Variants in TMEM243 observed in about 807,000 individuals in gnomAD.
TMEM243 encodes the protein MDR1 and mitochondrial taxol resistance associated.
A neutral mutation model predicts 15.0 loss-of-function variants in TMEM243; 20 were observed. The observed-to-expected ratio is 1.33, with a 90% CI of 0.94 to 1.93. TMEM243 has a LOEUF of 1.93. TMEM243 is among the 30% of genes most tolerant of loss of function. TMEM243 has a pLI of 0.00. For missense variants in TMEM243, 156 were observed against 142.1 expected, an observed-to-expected ratio of 1.10 and a Z score of -0.50; for synonymous variants, 72 against 52.7, an observed-to-expected ratio of 1.37 and a Z score of -1.59.
At chr7:87,214,059 T>C (rs74580703) in intron 1 of TMEM243, among the ~76,000 whole-genome samples, 5,695 of 152,296 alleles carry the variant, frequency 0.037, 128 homozygotes, top group East Asian at 0.065. Context: ...AGTGGGCTGA[T>C]TTAGAAACTC....
chr7:87,213,519 C>A (rs1368308639), intron 1 of TMEM243, among the ~76,000 whole-genome samples: 1 of 152,210 alleles, frequency 6.6e-6, no homozygotes, highest in African/African-American at 2.4e-5. Context: ...ATTGGTAGCT[C>A]TAAGACAGAG....
chr7:87,219,458 T>C lies in TMEM243; in HGVS notation c.46A>G (p.Asn16Asp). ...GACGTCTCCCCAAACAGAGGTCTGT[T>C]GTCCAGGCCACTGGTGCCGTAGGTC... ...TRTYGTSGLD[N>D]RPLFGETSAK... is the part of the protein sequence containing the mutation. The change falls in exon 1 of 4, where the codon AAC becomes GAC. Residue 16 changes from asparagine to aspartate, a missense_variant. Physicochemically the swap from Asn to Asp is conservative, Grantham distance 23. Transcript: ENST00000257637. 1 of 1,614,246 alleles carries C rather than the reference T, an allele frequency of 6.2e-7. No homozygotes were observed. The highest frequency in any genetic ancestry group is 8.5e-7 in the Non-Finnish European group (1 of 1,180,034).
At chr7:87,197,333 T>G (rs1801377497) in intron 3 of TMEM243, among the ~76,000 whole-genome samples, 1 of 152,082 alleles carries the variant, frequency 6.6e-6, no homozygotes, top group Non-Finnish European at 1.5e-5. Context: ...GTTTTTTCTT[T>G]TGATTCTGCC....
At chr7:87,208,249 G>A (rs968855823) in intron 1 of TMEM243, among the ~76,000 whole-genome samples, 6 of 152,212 alleles carry the variant, frequency 3.9e-5, no homozygotes, top group African/African-American at 1.4e-4. Flanking sequence ...CTATGAGTCT[G>A]TAAAATCAAA....
rs775586755 is a variant in TMEM243 at position 87,197,950 on chromosome 7, G to A, written c.225C>T (p.Ala75=). 1.9e-6 allele frequency: 3 copies of A among 1,612,878 alleles called. No homozygotes were observed. In the Admixed American group the frequency reaches 5.0e-5, roughly 27 times the overall value. Reference sequence around the variant, plus strand: ...TCTCAACAGTACTTACAAGTATGCAGGCAGTAATACTACTCAAAGAGATGC... The same window carrying A: ...TCTCAACAGTACTTACAAGTATGCAAGCAGTAATACTACTCAAAGAGATGC... The part of the protein sequence containing the change: ...AVCISLSSIT[A]CILIYWYRQG... The change falls in exon 3 of 4, where the codon GCC becomes GCT. Residue 75 remains alanine (A), a synonymous_variant. Transcript: ENST00000257637.
intron 1 of TMEM243, among the ~76,000 whole-genome samples, chr7:87,200,048 A>G (rs143276723): frequency 2.5e-4 from 38 of 152,324 alleles, no homozygotes; most frequent in East Asian, 1.3e-3. Context: ...CACAGGAACA[A>G]TCACAGAGCA....
rs1023709245 is a variant in TMEM243 at position 87,196,373 on chromosome 7, A to AT, written c.*262dup. 9.9e-5 allele frequency: 31 copies of AT among 311,894 alleles called. No individual in the cohort carries two copies. The highest frequency in any genetic ancestry group is 6.5e-4 in the African/African-American group (30 of 45,914). 19.3% of individuals were successfully genotyped at this position (311,894 alleles called of 1,614,324 possible). ...AGCCTTTTGCCATACAATTATAAAAATTTCATTTCAAAAGTGAAATTTTTT... is the reference window on the plus strand; with the variant it reads ...AGCCTTTTGCCATACAATTATAAAAATTTTCATTTCAAAAGTGAAATTTTTT... On this transcript the variant is annotated 3_prime_UTR_variant, in exon 4 of 4. Transcript: ENST00000257637.
At chr7:87,207,447 T>A (rs1252128770) in intron 1 of TMEM243, among the ~76,000 whole-genome samples, 17 of 39,900 alleles carry the variant, frequency 4.3e-4, no homozygotes, top group South Asian at 7.5e-4. Context: ...TACAAAAAAA[T>A]TAGCCGGGCG....
At chr7:87,200,710 T>C (rs770707671) in intron 1 of TMEM243, among the ~76,000 whole-genome samples, 1 of 152,196 alleles carries the variant, frequency 6.6e-6, no homozygotes, top group Non-Finnish European at 1.5e-5. Flanking sequence ...TATGACTGTT[T>C]CACAGGTAGC....
rs1220307359 is a variant in TMEM243, at chr7:87,204,131, A to C, written c.79-5074T>G. ...GAAAATGAGAGCCAAGCAAAAGGGG[A>C]AACCCCTTATAAAATCATCAGATCT... On this transcript the variant is annotated intron_variant, in intron 1 of 3. Transcript: ENST00000257637. Among the ~76,000 whole-genome samples the C allele has an allele frequency of 5.9e-5, 9 of 152,284 alleles. No individual in the cohort carries two copies. The South Asian group carries it at 6.2e-4, about 11-fold the overall frequency.
chr7:87,209,696 G>A lies in TMEM243; in HGVS notation c.78+9730C>T, dbSNP rs1302184410. On this transcript the variant is annotated intron_variant, in intron 1 of 3. Transcript: ENST00000257637. ...CGAGAGCGAGACACAGCGAGAGAGC[G>A]AGACACAGTGAGAGCGAGACACAGT... 9.3e-3 allele frequency among the ~76,000 whole-genome samples: 1,321 copies of A among 142,340 alleles called. 44 individuals carry two copies. Among genetic ancestry groups the A allele is most frequent in the East Asian group, 0.018 (84 of 4,554 alleles). 93.4% of individuals were successfully genotyped at this position (142,340 alleles called of 152,430 possible). A position where few individuals can be genotyped will look rare whatever the true frequency, so the allele number is the denominator to read the frequency against.
At chr7:87,218,923 T>G (rs752893407) in intron 1 of TMEM243, among the ~76,000 whole-genome samples, 1 of 152,196 alleles carries the variant, frequency 6.6e-6, no homozygotes, top group Non-Finnish European at 1.5e-5. Flanking sequence ...GATCACTTCC[T>G]GGAATGGAGG....
chr7:87,197,788 G>C, intron 3 of TMEM243, 153 bp downstream of exon 3: 1 of 1,469,432 alleles, frequency 6.8e-7, no homozygotes, highest in Non-Finnish European at 9.0e-7. Context: ...AGAAGACTCA[G>C]ATTTTATTGA....
chr7:87,204,598 G>T (rs901410284), intron 1 of TMEM243, among the ~76,000 whole-genome samples: 10 of 152,176 alleles, frequency 6.6e-5, no homozygotes, highest in African/African-American at 2.2e-4. Flanking sequence ...AACCAGCAGG[G>T]CAGTCAATTT....
intron 1 of TMEM243, chr7:87,216,665 G>T (rs1248125700): frequency 6.6e-6 from 1 of 152,126 alleles, no homozygotes; most frequent in East Asian, 1.9e-4. Flanking sequence ...TCCCCAAGAG[G>T]GTGCTGCTCA....
intron 1 of TMEM243, among the ~76,000 whole-genome samples, chr7:87,209,689 A>AGAGAGCAAGACACAGT (rs1802536923): frequency 9.8e-5 from 6 of 61,392 alleles, no homozygotes; most frequent in Admixed American, 3.3e-4. Context: ...AGACACAGCG[A>AGAGAGCAAGACACAGT]GAGAGCGAGA....
intron 1 of TMEM243, chr7:87,199,604 A>G (rs1338397310): frequency 6.6e-6 from 1 of 152,188 alleles, no homozygotes; most frequent in Non-Finnish European, 1.5e-5. Flanking sequence ...AGTTTTTCCA[A>G]GTTATTTAAT....
intron 1 of TMEM243, among the ~76,000 whole-genome samples, chr7:87,216,174 T>G (rs1268130221): frequency 6.7e-6 from 1 of 149,980 alleles, no homozygotes; most frequent in Admixed American, 6.7e-5. Context: ...CTTGGGAAGC[T>G]GAGGCAGGAG....
rs770753289 is a variant in TMEM243, at chr7:87,196,673, A to G, written c.320T>C (p.Ile107Thr). Residue 107 changes from isoleucine to threonine, a missense_variant, in exon 4 of 4, where the codon ATA becomes ACA. Coordinates refer to ENST00000257637, the MANE Select transcript of TMEM243 (RefSeq NM_024315.4). ...ATCATGGAAGTACAGGTTTGCACATATACACAACATGATGATAGAAAATAT... is the reference window on the plus strand; with the variant it reads ...ATCATGGAAGTACAGGTTTGCACATGTACACAACATGATGATAGAAAATAT... ...YIIFSIIMLCICANLYFHDVG... is the reference protein window; with the variant it reads ...YIIFSIIMLCTCANLYFHDVG... 7 of 1,610,466 alleles carry G rather than the reference A, an allele frequency of 4.3e-6. No individual in the cohort carries two copies. Among genetic ancestry groups the G allele is most frequent in the Non-Finnish European group, 5.9e-6 (7 of 1,178,322 alleles).
Sources: gnomAD v4.1 joint callset for allele counts (sites outside exome capture counted in the v4.1 genomes callset) on GRCh38, gnomAD v4.1.1 for gene constraint, MANE v1.5 for transcripts, NCBI Gene and HGNC (gene_info 2026-07-23, HGNC 2026-07-21) for gene names.